CADM2: variants seen among roughly 807,000 people sequenced by gnomAD.
The protein encoded by CADM2 is cell adhesion molecule 2, also known as immunoglobulin superfamily member 4D.
A neutral mutation model predicts 49.8 loss-of-function variants in CADM2; 12 were observed. The ratio of observed to expected loss-of-function variants is 0.24; its 90% CI spans 0.15 to 0.39. The LOEUF (loss-of-function observed/expected upper bound fraction) is 0.39. Among genes scored for constraint, CADM2 ranks in the 10% least tolerant of loss-of-function variants. CADM2 has a pLI of 1.00. For synonymous variants in CADM2, 214 were observed against 175.4 expected (o/e 1.22, Z -1.74); for missense variants, 378 against 492.3 (o/e 0.77, Z 2.20).
At chr3:85,582,930 C>T (rs1016896444) in intron 1 of CADM2, among the ~76,000 whole-genome samples, 2 of 151,914 alleles carry the variant, frequency 1.3e-5, no homozygotes, top group African/African-American at 4.8e-5. Context: ...CATTAGTTTC[C>T]AAATTTGTAA....
At chr3:85,629,976 T>C (rs2064256130) in intron 1 of CADM2, among the ~76,000 whole-genome samples, 1 of 152,060 alleles carries the variant, frequency 6.6e-6, no homozygotes, top group Admixed American at 6.6e-5. Context: ...TTTCTTTTTG[T>C]AGAATTTTAT....
intron 1 of CADM2, among the ~76,000 whole-genome samples, chr3:84,985,317 T>G (rs780610612): frequency 5.3e-5 from 8 of 152,168 alleles, no homozygotes; most frequent in Non-Finnish European, 1.2e-4. Context: ...GATATTTTAA[T>G]TCTTAATCAG....
rs1439633032 is a variant in CADM2 at position 85,236,080 on chromosome 3, G to A, written c.61+276412G>A. Among the ~76,000 whole-genome samples the A allele has an allele frequency of 2.0e-5, 3 of 151,938 alleles. No homozygotes were observed. The East Asian group carries it at 5.8e-4, about 29-fold the overall frequency. ...GCCGCCTCACAATTTTTTCCTGGAT[G>A]GATGATGTTATTCTCAGGACACTGT... On this transcript the variant is annotated intron_variant, in intron 1 of 9. Transcript: ENST00000383699.
At chr3:86,039,304 ATTCCTAGTCAAAGAAATTCCCT>A (rs750097981) in intron 8 of CADM2, among the ~76,000 whole-genome samples, 6,605 of 92,508 alleles carry the variant, frequency 0.071, 194 homozygotes, top group Non-Finnish European at 0.096. Context: ...GGGTCAGGGA[ATTCCTAGTCAAAGAAATTCCCT>A]TTCCTAGTCA....
intron 1 of CADM2, among the ~76,000 whole-genome samples, chr3:85,664,853 C>G (rs938293125): frequency 6.6e-6 from 1 of 151,882 alleles, no homozygotes; most frequent in Non-Finnish European, 1.5e-5. Context: ...ACCCCTGCCC[C>G]CCTTATGATA....
chr3:84,994,885 G>C (rs755872021), intron 1 of CADM2, among the ~76,000 whole-genome samples: 3 of 151,838 alleles, frequency 2.0e-5, no homozygotes, highest in African/African-American at 7.3e-5. Context: ...AAAATAAGCC[G>C]GGCGTGGTGG....
chr3:85,963,114 G>C (rs1252921791), intron 8 of CADM2, among the ~76,000 whole-genome samples: 1 of 151,856 alleles, frequency 6.6e-6, no homozygotes, highest in East Asian at 1.9e-4. Context: ...TCAATATACA[G>C]TTTTCCTATT....
intron 2 of CADM2, among the ~76,000 whole-genome samples, chr3:85,779,035 A>T (rs1203723486): frequency 6.6e-6 from 1 of 152,154 alleles, no homozygotes; most frequent in Non-Finnish European, 1.5e-5. Context: ...GATTTAATTG[A>T]TGTTAAATCT....
intron 1 of CADM2, among the ~76,000 whole-genome samples, chr3:85,277,100 T>C (rs2043374800): frequency 6.6e-6 from 1 of 151,346 alleles, no homozygotes; most frequent in African/African-American, 2.4e-5. Flanking sequence ...AAAATAATGC[T>C]TGAACTGAGG....
intron 2 of CADM2, among the ~76,000 whole-genome samples, chr3:85,764,645 A>T (rs1559640846): frequency 6.6e-6 from 1 of 152,064 alleles, no homozygotes; most frequent in East Asian, 1.9e-4. Context: ...CAAATTCCTT[A>T]TGTATTAAGA....
At chr3:85,577,328 C>A (rs1472425270) in intron 1 of CADM2, among the ~76,000 whole-genome samples, 1 of 152,030 alleles carries the variant, frequency 6.6e-6, no homozygotes, top group African/African-American at 2.4e-5. Flanking sequence ...AGGGCTCTAC[C>A]CTCATGAATG....
intron 2 of CADM2, among the ~76,000 whole-genome samples, chr3:85,761,367 CTTTTTTTTTTT>C (rs529447125): frequency 9.9e-6 from 1 of 101,090 alleles, no homozygotes; most frequent in Non-Finnish European, 1.8e-5. Context: ...CAACACAAAA[CTTTTTTTTTTT>C]TTTTTTTTTT....
At chr3:85,990,133 T>C (rs994621910) in intron 8 of CADM2, among the ~76,000 whole-genome samples, 2 of 150,518 alleles carry the variant, frequency 1.3e-5, no homozygotes, top group African/African-American at 4.9e-5. Flanking sequence ...GTCTCCAAAT[T>C]AGATAGTTTC....
chr3:85,238,989 G>A (rs1010729518), intron 1 of CADM2, among the ~76,000 whole-genome samples: 1 of 151,450 alleles, frequency 6.6e-6, no homozygotes, highest in East Asian at 1.9e-4. Context: ...CAGAATTCCT[G>A]GATTTGAAGT....
chr3:85,243,344 A>G (rs2042574762), intron 1 of CADM2, among the ~76,000 whole-genome samples: 3 of 151,936 alleles, frequency 2.0e-5, no homozygotes, highest in Admixed American at 2.0e-4. Context: ...GATGTATTTT[A>G]TTCTTATAAA....
At chr3:85,281,542 A>C (rs1455844725) in intron 1 of CADM2, among the ~76,000 whole-genome samples, 1 of 152,064 alleles carries the variant, frequency 6.6e-6, no homozygotes, top group Non-Finnish European at 1.5e-5. Context: ...CATTGTGTTA[A>C]TTGCCTGTTT....
chr3:85,371,635 G>GTT (rs2107319916), intron 1 of CADM2, among the ~76,000 whole-genome samples: 1 of 143,292 alleles, frequency 7.0e-6, no homozygotes, highest in Non-Finnish European at 1.5e-5. Context: ...GTGTGTGTGT[G>GTT]TGTGTGTGCA....
At chr3:85,480,401 A>T (rs769742030) in intron 1 of CADM2, among the ~76,000 whole-genome samples, 5 of 151,894 alleles carry the variant, frequency 3.3e-5, no homozygotes, top group African/African-American at 4.8e-5. Context: ...AGACTCTGCC[A>T]TTTCAAATTT....
intron 1 of CADM2, among the ~76,000 whole-genome samples, chr3:85,142,434 A>G (rs1052139961): frequency 6.6e-6 from 1 of 152,208 alleles, no homozygotes; most frequent in African/African-American, 2.4e-5. Flanking sequence ...TGAATGAAAA[A>G]TTGAAATTAT....
Sources: gnomAD v4.1 joint callset for allele counts (sites outside exome capture counted in the v4.1 genomes callset) on GRCh38, gnomAD v4.1.1 for gene constraint, MANE v1.5 for transcripts, NCBI Gene and HGNC (gene_info 2026-07-23, HGNC 2026-07-21) for gene names.